ITPK1: variants seen among roughly 807,000 people sequenced by gnomAD.
The protein encoded by ITPK1 is inositol 1,3,4-trisphosphate 5/6-kinase.
ITPK1 carries 21 observed loss-of-function variants against 45.3 expected under a neutral mutation model. The observed-to-expected ratio is 0.46, with a 90% CI of 0.33 to 0.67. The LOEUF (loss-of-function observed/expected upper bound fraction) is 0.67. Ranked by LOEUF, ITPK1 falls within the 30% of genes least tolerant of loss-of-function variation. ITPK1 has a pLI of 0.02. For synonymous variants in ITPK1, 258 were observed against 253.6 expected, an observed-to-expected ratio of 1.02 and a Z score of -0.16; for missense variants, 474 against 573.5, an observed-to-expected ratio of 0.83 and a Z score of 1.77.
chr14:92,938,277 A>C lies in ITPK1; in HGVS notation c.*3284T>G. The stretch of plus-strand genomic sequence containing the variant: ...CCGGCCAGAGTTTCTAGGGAATAGA[A>C]GAGAGGGCAGATACAGACCCCAGGG... On this transcript the variant is annotated 3_prime_UTR_variant, in exon 11 of 11. Coordinates refer to ENST00000267615, the MANE Select transcript of ITPK1 (RefSeq NM_014216.6). The C allele has an allele frequency of 1.6e-6, 1 of 607,422 alleles. No individual in the cohort carries two copies. 37.6% of individuals were successfully genotyped at this position (607,422 alleles called of 1,614,324 possible). A position where few individuals can be genotyped will look rare whatever the true frequency, so the allele number is the denominator to read the frequency against.
At chr14:93,085,383 G>C (rs907097459) in intron 2 of ITPK1, among the ~76,000 whole-genome samples, 1 of 152,184 alleles carries the variant, frequency 6.6e-6, no homozygotes, top group Non-Finnish European at 1.5e-5. Flanking sequence ...CCACCCAGGG[G>C]AGGCAGGCCG....
chr14:93,027,512 C>T (rs1888799313), intron 3 of ITPK1, among the ~76,000 whole-genome samples: 4 of 152,164 alleles, frequency 2.6e-5, no homozygotes, highest in Admixed American at 1.3e-4. Context: ...CGCCTTCATC[C>T]ACACAGCTAA....
At chr14:93,058,741 G>A (rs1890341637) in intron 3 of ITPK1, among the ~76,000 whole-genome samples, 1 of 34,682 alleles carries the variant, frequency 2.9e-5, no homozygotes, top group Admixed American at 2.8e-4. Context: ...CGGATCATGA[G>A]GCAAGGGTGA....
chr14:93,032,470 A>C lies in ITPK1; in HGVS notation c.121-15669T>G, dbSNP rs542205462. Among the ~76,000 whole-genome samples, 22 of 152,354 alleles carry C rather than the reference A, an allele frequency of 1.4e-4. No individual in the cohort carries two copies. The highest frequency in any genetic ancestry group is 1.2e-3 in the East Asian group (6 of 5,194). On this transcript the variant is annotated intron_variant, in intron 3 of 10. Transcript: ENST00000267615. This position sits in a 1 kb window ranked among gnomAD's most constrained non-coding sequence, Gnocchi z 4.0. Reference sequence around the variant, plus strand: ...GTTGCGTCAAGCTAAGCAGCAGCAGAAGCTTTCCTGCAGGACTTCTCAGAT... The same window carrying C: ...GTTGCGTCAAGCTAAGCAGCAGCAGCAGCTTTCCTGCAGGACTTCTCAGAT...
chr14:92,974,123 C>T (rs1369372650), intron 5 of ITPK1, among the ~76,000 whole-genome samples: 1 of 152,166 alleles, frequency 6.6e-6, no homozygotes, highest in Non-Finnish European at 1.5e-5. Flanking sequence ...TCCGAACTGT[C>T]CCTCTCGCTT....
intron 5 of ITPK1, among the ~76,000 whole-genome samples, chr14:92,982,120 G>A (rs1319490192): frequency 1.3e-5 from 2 of 152,242 alleles, no homozygotes; most frequent in Non-Finnish European, 2.9e-5. Flanking sequence ...TGCAATGATA[G>A]CAATTAAATT....
intron 5 of ITPK1, among the ~76,000 whole-genome samples, chr14:92,972,349 T>C (rs781514644): frequency 3.3e-5 from 5 of 152,126 alleles, no homozygotes; most frequent in African/African-American, 4.8e-5. Flanking sequence ...CCAATAGGAC[T>C]GGTGTCCTTA....
intron 3 of ITPK1, among the ~76,000 whole-genome samples, chr14:93,037,869 T>C (rs910704555): frequency 2.0e-5 from 3 of 152,220 alleles, no homozygotes; most frequent in South Asian, 4.1e-4. Flanking sequence ...TCTCCAGTTA[T>C]TTACTCAGGG....
intron 5 of ITPK1, among the ~76,000 whole-genome samples, chr14:92,971,488 T>C (rs185752361): frequency 6.6e-6 from 1 of 152,256 alleles, no homozygotes; most frequent in East Asian, 1.9e-4. Context: ...CACTAGCAGG[T>C]GTGCATGAAA....
chr14:92,961,201 A>G (rs1885052898), intron 7 of ITPK1, among the ~76,000 whole-genome samples: 1 of 152,208 alleles, frequency 6.6e-6, no homozygotes. Context: ...ATACCCCAAC[A>G]TGTGCCCACT....
rs1016466976 is a variant in ITPK1 at position 92,962,968 on chromosome 14, C to T, written c.365-119G>A. The T allele has an allele frequency of 1.1e-5, 7 of 615,602 alleles. No homozygotes were observed. In the African/African-American group the frequency reaches 1.3e-4, roughly 11 times the overall value. 38.1% of individuals were successfully genotyped at this position (615,602 alleles called of 1,614,324 possible). On this transcript the variant is annotated intron_variant, in intron 5 of 10. Transcript: ENST00000267615. ...GTGCCCCCACGCTCCTGGATCTGACCGTCCCCAACCTCTGCAGTCCCATGT... is the reference window on the plus strand; with the variant it reads ...GTGCCCCCACGCTCCTGGATCTGACTGTCCCCAACCTCTGCAGTCCCATGT...
intron 5 of ITPK1, among the ~76,000 whole-genome samples, chr14:92,992,584 C>G (rs553746720): frequency 1.3e-5 from 2 of 152,324 alleles, no homozygotes; most frequent in Non-Finnish European, 2.9e-5. Flanking sequence ...CCAGGACAGC[C>G]AAATCCAGCA....
chr14:93,021,571 C>T (rs188633060), intron 3 of ITPK1, among the ~76,000 whole-genome samples: 23 of 148,296 alleles, frequency 1.6e-4, no homozygotes, highest in Admixed American at 1.5e-3. Flanking sequence ...CCAGCTTGGG[C>T]GACAGAATGA....
chr14:93,030,414 T>C (rs1179906513), intron 3 of ITPK1, among the ~76,000 whole-genome samples: 2 of 152,236 alleles, frequency 1.3e-5, no homozygotes, highest in African/African-American at 2.4e-5. Flanking sequence ...ACAACAGGAC[T>C]TGTTTTCTTT....
At chr14:93,005,523 A>G (rs1367849228) in intron 4 of ITPK1, among the ~76,000 whole-genome samples, 2 of 152,138 alleles carry the variant, frequency 1.3e-5, no homozygotes, top group Non-Finnish European at 2.9e-5. Flanking sequence ...CCAACAGGCA[A>G]GAGGAGGAGA....
chr14:93,112,403 G>C (rs895518603), intron 2 of ITPK1, among the ~76,000 whole-genome samples: 11 of 151,822 alleles, frequency 7.2e-5, no homozygotes, highest in Middle Eastern at 6.8e-3. Flanking sequence ...GGACCATTCG[G>C]GTCATTCTTT....
Position 92,939,393 on chromosome 14 carries a change from T to G in ITPK1, c.*2168A>C, listed in dbSNP as rs894249981. On this transcript the variant is annotated 3_prime_UTR_variant, in exon 11 of 11. Transcript: ENST00000267615. ...GGGCTCCATCTCTGCCGCTCCCAGG[T>G]GCGGGTCCCGCGTCGCTGTCCAGGC... 6.6e-6 allele frequency: 1 copy of G among 152,422 alleles called. No homozygotes were observed. Among genetic ancestry groups the G allele is most frequent in the Non-Finnish European group, 1.5e-5 (1 of 68,288 alleles). The allele number at this position is 152,422 out of a possible 1,614,324, so 9.4% of individuals were successfully genotyped here. A position where few individuals can be genotyped will look rare whatever the true frequency, so the allele number is the denominator to read the frequency against.
rs1224492577 is a variant in ITPK1, at chr14:92,937,257, T to C, written c.*4304A>G. 1.3e-5 allele frequency: 2 copies of C among 152,270 alleles called. No individual in the cohort carries two copies. The highest frequency in any genetic ancestry group is 1.3e-4 in the Admixed American group (2 of 15,288). 9.4% of individuals were successfully genotyped at this position (152,270 alleles called of 1,614,324 possible). A position where few individuals can be genotyped will look rare whatever the true frequency, so the allele number is the denominator to read the frequency against. On this transcript the variant is annotated 3_prime_UTR_variant, in exon 11 of 11. Coordinates refer to ENST00000267615, the MANE Select transcript of ITPK1 (RefSeq NM_014216.6). The stretch of plus-strand genomic sequence containing the variant: ...GAACCAGCTTGGGATTCTGGTGAAG[T>C]TGCTTGTGAACAGCTTGAAGCAAAC...
At chr14:93,082,559 C>G (rs1891480248) in intron 2 of ITPK1, among the ~76,000 whole-genome samples, 1 of 152,216 alleles carries the variant, frequency 6.6e-6, no homozygotes, top group Non-Finnish European at 1.5e-5. Flanking sequence ...CTGGCTCATG[C>G]CAGGGATGGG....
Sources: gnomAD v4.1 joint callset for allele counts (sites outside exome capture counted in the v4.1 genomes callset) on GRCh38, gnomAD v4.1.1 for gene constraint, Gnocchi (gnomAD v3.1) non-coding constraint, MANE v1.5 for transcripts, NCBI Gene and HGNC (gene_info 2026-07-23, HGNC 2026-07-21) for gene names.